The following IRGM variants were observed in gnomAD, a reference collection of about 807,000 sequenced individuals.
IRGM encodes immunity related GTPase M.
For synonymous variants in IRGM, 98 were observed against 80.6 expected, an observed-to-expected ratio of 1.22 and a Z score of -1.16; for missense variants, 288 against 219.9, an observed-to-expected ratio of 1.31 and a Z score of -1.96.
chr5:150,867,636 A>G (rs1754225898), intron 1 of IRGM, among the ~76,000 whole-genome samples: 2 of 143,866 alleles, frequency 1.4e-5, no homozygotes, highest in Admixed American at 6.8e-5. Flanking sequence ...ATCCATGCCA[A>G]CATCTATTTT....
chr5:150,876,598 G>A (rs1754366475), intron 1 of IRGM, among the ~76,000 whole-genome samples: 1 of 152,174 alleles, frequency 6.6e-6, no homozygotes, highest in South Asian at 2.1e-4. Context: ...AGTATGTGTG[G>A]AATACAGGAG....
chr5:150,848,710 T>G, downstream of IRGM: 3 of 1,360,320 alleles, frequency 2.2e-6, no homozygotes. Flanking sequence ...CTCCTATTGA[T>G]TCCTTTTCTC....
chr5:150,889,184 T>TGG (rs377296092), intron 3 of IRGM, among the ~76,000 whole-genome samples: 4,301 of 152,108 alleles, frequency 0.028, 149 homozygotes, highest in South Asian at 0.077. Flanking sequence ...TTCGTTTTCA[T>TGG]GCTGCTGACA....
At chr5:150,856,281 A>G (rs971025083) in intron 1 of IRGM, among the ~76,000 whole-genome samples, 2 of 152,072 alleles carry the variant, frequency 1.3e-5, no homozygotes, top group African/African-American at 4.8e-5. Context: ...AAGTACAAAA[A>G]TTAGCCAGGC....
At position 150,847,878 on chromosome 5, in the gene IRGM, C is replaced by A. The variant is rs569495176; in HGVS notation, c.-246C>A. The A allele has an allele frequency of 2.3e-5, 11 of 473,424 alleles. No homozygotes were observed. The highest frequency in any genetic ancestry group is 5.8e-4 in the Middle Eastern group (1 of 1,722). 29.3% of individuals were successfully genotyped at this position (473,424 alleles called of 1,614,324 possible). ...AGTGCAATGGCGTGATCTCAGCTCA[C>A]TGCAATATCTGCGTCCAGGGTTCAA... On this transcript the variant is annotated 5_prime_UTR_variant, in exon 2 of 2. It adds an upstream start codon to the 5' untranslated region. Transcript: ENST00000522154.
chr5:150,892,561 A>T (rs1014831069), intron 3 of IRGM, among the ~76,000 whole-genome samples: 4 of 152,124 alleles, frequency 2.6e-5, no homozygotes, highest in African/African-American at 9.6e-5. Context: ...CCCACTCCCT[A>T]CTTTGCTTTT....
At chr5:150,891,152 T>G (rs922171376) in intron 3 of IRGM, among the ~76,000 whole-genome samples, 22 of 152,140 alleles carry the variant, frequency 1.4e-4, no homozygotes, top group African/African-American at 5.3e-4. Context: ...TATGTTCTCA[T>G]GATAAACTGA....
intron 1 of IRGM, among the ~76,000 whole-genome samples, chr5:150,867,006 A>C (rs1754216983): frequency 6.6e-6 from 1 of 152,238 alleles, no homozygotes; most frequent in Non-Finnish European, 1.5e-5. Context: ...TTGAAATAAC[A>C]CATCTTTTTC....
At chr5:150,849,424 C>T (rs1753939265), downstream of IRGM, among the ~76,000 whole-genome samples, 1 of 152,024 alleles carries the variant, frequency 6.6e-6, no homozygotes, top group Admixed American at 6.6e-5. Flanking sequence ...AAAATACACT[C>T]AATCCAAAGG....
chr5:150,897,316 C>A, intron 3 of IRGM: 1 of 192,640 alleles, frequency 5.2e-6, no homozygotes. Context: ...ATGTGCTACA[C>A]ATTCTTATTA....
At chr5:150,864,765 G>A (rs1432200089) in intron 1 of IRGM, among the ~76,000 whole-genome samples, 1 of 152,258 alleles carries the variant, frequency 6.6e-6, no homozygotes, top group Non-Finnish European at 1.5e-5. Flanking sequence ...TGGCAAGAAT[G>A]TAAGCCACTA....
chr5:150,868,303 G>C (rs1048303832), intron 1 of IRGM, among the ~76,000 whole-genome samples: 1 of 151,932 alleles, frequency 6.6e-6, no homozygotes, highest in Non-Finnish European at 1.5e-5. Flanking sequence ...TTTATTTCTG[G>C]GTTCTCTATT....
At chr5:150,860,579 G>T (rs531664769) in intron 1 of IRGM, among the ~76,000 whole-genome samples, 2 of 152,290 alleles carry the variant, frequency 1.3e-5, no homozygotes, top group African/African-American at 4.8e-5. Context: ...CCCTGTCCTG[G>T]AGCTCATGCC....
At chr5:150,880,879 C>A (rs1465271343) in intron 3 of IRGM, among the ~76,000 whole-genome samples, 1 of 152,132 alleles carries the variant, frequency 6.6e-6, no homozygotes, top group African/African-American at 2.4e-5. Context: ...GTAATCCCAG[C>A]ACTTCGGGAG....
At chr5:150,897,101 C>G in intron 3 of IRGM, 1 of 674,744 alleles carries the variant, frequency 1.5e-6, no homozygotes, top group South Asian at 2.0e-5. Flanking sequence ...CAGGTCATCT[C>G]AGAAGACAGT....
intron 1 of IRGM, among the ~76,000 whole-genome samples, chr5:150,873,410 A>G (rs1754315919): frequency 6.6e-6 from 1 of 152,104 alleles, no homozygotes; most frequent in African/African-American, 2.4e-5. Flanking sequence ...ACTACCAACA[A>G]TTTATGCTGT....
downstream of IRGM, among the ~76,000 whole-genome samples, chr5:150,901,088 A>G (rs1754980709): frequency 6.6e-6 from 1 of 152,046 alleles, no homozygotes; most frequent in Non-Finnish European, 1.5e-5. Flanking sequence ...GATATGTGTA[A>G]AAACGACTTC....
Position 150,896,309 on chromosome 5 carries a change from A to G in IRGM, c.*141-4280A>G, listed in dbSNP as rs138619288. ...GAGTTCTCTGATGTACAACAAGATGAAACTTCTCACTGAAGGCTTTTCCGC... is the reference window on the plus strand; with the variant it reads ...GAGTTCTCTGATGTACAACAAGATGGAACTTCTCACTGAAGGCTTTTCCGC... On this transcript the variant is annotated intron_variant and NMD_transcript_variant, in intron 3 of 3. Coordinates refer to the IRGM transcript ENST00000520549. 10 of 1,613,544 alleles carry G rather than the reference A, an allele frequency of 6.2e-6. No homozygotes were observed. In the African/African-American group the frequency reaches 1.3e-4, roughly 22 times the overall value.
chr5:150,890,454 TTTTC>T (rs891046211), intron 3 of IRGM, among the ~76,000 whole-genome samples: 69 of 151,886 alleles, frequency 4.5e-4, no homozygotes, highest in African/African-American at 1.6e-3. Context: ...TTTTGATGTA[TTTTC>T]TTTTTTTCTA....
Sources: gnomAD v4.1 joint callset for allele counts (sites outside exome capture counted in the v4.1 genomes callset) on GRCh38, gnomAD v4.1.1 for gene constraint, MANE v1.5 for transcripts, NCBI Gene and HGNC (gene_info 2026-07-23, HGNC 2026-07-21) for gene names.